TTLL5: variants seen among roughly 807,000 people sequenced by gnomAD.
The protein encoded by TTLL5 is tubulin tyrosine ligase like 5.
Under a neutral mutation model 168.4 loss-of-function variants are expected in TTLL5, and 132 were observed. That is an observed-to-expected ratio of 0.78 (90% confidence interval 0.68 to 0.91). The LOEUF (loss-of-function observed/expected upper bound fraction) is 0.91. TTLL5 is among the 40% of genes least tolerant of loss of function. The pLI, the probability that TTLL5 is intolerant of heterozygous loss-of-function variation, is 0.00. For missense variants in TTLL5, 1,545 were observed against 1,581.5 expected, an observed-to-expected ratio of 0.98 and a Z score of 0.39; for synonymous variants, 546 against 558.6, an observed-to-expected ratio of 0.98 and a Z score of 0.32.
chr14:75,725,038 T>C (rs1888103672), intron 12 of TTLL5, among the ~76,000 whole-genome samples: 1 of 152,192 alleles, frequency 6.6e-6, no homozygotes, highest in African/African-American at 2.4e-5. Flanking sequence ...TGGGGACAAG[T>C]TGTGGAGCCA....
intron 6 of TTLL5, among the ~76,000 whole-genome samples, chr14:75,698,877 C>T (rs1886056589): frequency 6.6e-6 from 1 of 151,404 alleles, no homozygotes; most frequent in African/African-American, 2.4e-5. Context: ...TGCACTCCAG[C>T]CTGGTCAACA....
At chr14:75,941,361 T>A (rs892645819) in intron 31 of TTLL5, 1 of 152,246 alleles carries the variant, frequency 6.6e-6, no homozygotes, top group Admixed American at 6.5e-5. Flanking sequence ...GCTGTCCGTT[T>A]CTACTAATGT....
intron 27 of TTLL5, among the ~76,000 whole-genome samples, chr14:75,818,358 T>C (rs1370783271): frequency 6.6e-6 from 1 of 152,212 alleles, no homozygotes; most frequent in Non-Finnish European, 1.5e-5. Flanking sequence ...GTCTTTTCAC[T>C]TGTGTTTGTG....
rs192400738 is a variant in TTLL5, at chr14:75,875,410, G to A, written c.3523-7275G>A. ...AAAAAAATACAAAAATTAGCTGCGT[G>A]TGGTGGCACGTGCCTGTAATCCCAC... On this transcript the variant is annotated intron_variant, in intron 29 of 31. Transcript: ENST00000298832. Among the ~76,000 whole-genome samples, 639 of 150,888 alleles carry A rather than the reference G, an allele frequency of 4.2e-3. 6 individuals are homozygous for A. The highest frequency in any genetic ancestry group is 0.015 in the African/African-American group (610 of 41,324).
At chr14:75,947,332 G>A (rs1416793940) in intron 31 of TTLL5, among the ~76,000 whole-genome samples, 3 of 152,088 alleles carry the variant, frequency 2.0e-5, no homozygotes, top group Admixed American at 6.5e-5. Context: ...CCAACCAAAC[G>A]AAAGCTGATG....
At chr14:75,849,179 G>A (rs949071914) in intron 28 of TTLL5, among the ~76,000 whole-genome samples, 1 of 152,164 alleles carries the variant, frequency 6.6e-6, no homozygotes, top group Non-Finnish European at 1.5e-5. Flanking sequence ...TCCCTCCCCA[G>A]CATCTTCCCA....
intron 29 of TTLL5, among the ~76,000 whole-genome samples, chr14:75,869,821 A>ATTTTTTTTTTTTTTTTTTTTTTTTT (rs10658095): frequency 1.2e-5 from 1 of 82,416 alleles, no homozygotes; most frequent in Non-Finnish European, 2.1e-5. Flanking sequence ...TTCAACAAGT[A>ATTTTTTTTTTTTTTTTTTTTTTTTT]TTTTTTTTTT....
chr14:75,699,103 C>A, intron 6 of TTLL5, 85 bp from the exon 7 acceptor site: 1 of 1,239,964 alleles, frequency 8.1e-7, no homozygotes, highest in Non-Finnish European at 1.2e-6. Context: ...GAGTAGATAA[C>A]CCTTTTTGAA....
At chr14:75,763,255 CTGTGTG>C (rs60621403) in intron 18 of TTLL5, among the ~76,000 whole-genome samples, 62 of 58,594 alleles carry the variant, frequency 1.1e-3, no homozygotes, top group Non-Finnish European at 1.9e-3. Flanking sequence ...AGCTCTCTCT[CTGTGTG>C]TGTGTGTGTG....
rs2033797367 is a variant in TTLL5, at chr14:75,920,717, A to G, written c.3823+18493A>G. On this transcript the variant is annotated intron_variant, in intron 31 of 31. Coordinates refer to ENST00000298832, the MANE Select transcript of TTLL5 (RefSeq NM_015072.5). The stretch of plus-strand genomic sequence containing the variant: ...AGTGCTGCAGTAAACATACAAGTGC[A>G]TGTGTCTTTATAGTAGCATGATTTA... Among the ~76,000 whole-genome samples the G allele has an allele frequency of 2.0e-5, 3 of 152,346 alleles. No individual in the cohort carries two copies. In the South Asian group the frequency reaches 6.2e-4, roughly 32 times the overall value.
At chr14:75,864,620 G>A (rs1246337983) in intron 29 of TTLL5, among the ~76,000 whole-genome samples, 1 of 151,918 alleles carries the variant, frequency 6.6e-6, no homozygotes, top group Non-Finnish European at 1.5e-5. Context: ...TGACCTCACC[G>A]AAAATTCAGG....
At chr14:75,942,466 AC>A (rs2034640605) in intron 31 of TTLL5, among the ~76,000 whole-genome samples, 1 of 152,194 alleles carries the variant, frequency 6.6e-6, no homozygotes, top group Non-Finnish European at 1.5e-5. Flanking sequence ...CGATCTCAGC[AC>A]TTAAGAGTGT....
At chr14:75,761,264 G>A (rs1338440153) in intron 18 of TTLL5, among the ~76,000 whole-genome samples, 4 of 152,064 alleles carry the variant, frequency 2.6e-5, no homozygotes, top group African/African-American at 7.2e-5. Context: ...ACAGAACTGT[G>A]ATAAATTGTC....
intron 7 of TTLL5, among the ~76,000 whole-genome samples, chr14:75,701,304 T>C (rs1335724340): frequency 6.6e-6 from 1 of 152,222 alleles, no homozygotes; most frequent in African/African-American, 2.4e-5. Flanking sequence ...GGATTGTCTT[T>C]TCCCCTGCTA....
chr14:75,907,399 G>T (rs1028726572), intron 31 of TTLL5, among the ~76,000 whole-genome samples: 1 of 152,126 alleles, frequency 6.6e-6, no homozygotes, highest in African/African-American at 2.4e-5. Context: ...AAACTTCAAG[G>T]CTTTGATAAT....
At chr14:75,768,264 A>G (rs1372092139) in intron 20 of TTLL5, among the ~76,000 whole-genome samples, 1 of 152,198 alleles carries the variant, frequency 6.6e-6, no homozygotes, top group Non-Finnish European at 1.5e-5. Flanking sequence ...GTAGTATGGT[A>G]AAAGCTGCAG....
At chr14:75,946,326 T>C (rs1471390355) in intron 31 of TTLL5, among the ~76,000 whole-genome samples, 3 of 152,230 alleles carry the variant, frequency 2.0e-5, no homozygotes, top group Admixed American at 6.5e-5. Flanking sequence ...ATTTTACCTT[T>C]ATATAGTTAA....
rs577828094 is a variant in TTLL5 at position 75,939,605 on chromosome 14, T to C, written c.3824-14819T>C. Among the ~76,000 whole-genome samples, 5 of 152,070 alleles carry C rather than the reference T, an allele frequency of 3.3e-5. No individual in the cohort carries two copies. In the South Asian group the frequency reaches 1.0e-3, roughly 32 times the overall value. Reference sequence around the variant, plus strand: ...AGTTTCTCTATGTTGCCCAGGCTGGTCTCAAATTCCTGGGTTCAAGCGATC... The same window carrying C: ...AGTTTCTCTATGTTGCCCAGGCTGGCCTCAAATTCCTGGGTTCAAGCGATC... On this transcript the variant is annotated intron_variant, in intron 31 of 31. Coordinates refer to ENST00000298832, the MANE Select transcript of TTLL5 (RefSeq NM_015072.5).
intron 31 of TTLL5, among the ~76,000 whole-genome samples, chr14:75,910,009 A>G (rs1247876253): frequency 2.6e-5 from 4 of 152,200 alleles, no homozygotes; most frequent in Non-Finnish European, 5.9e-5. Context: ...TTTGGGGGAG[A>G]GAATAGGGGT....
Sources: allele counts gnomAD v4.1 joint callset (sites outside exome capture counted in the v4.1 genomes callset), GRCh38; gene constraint gnomAD v4.1.1; transcripts MANE v1.5; gene names NCBI Gene and HGNC (gene_info 2026-07-23, HGNC 2026-07-21).